The following DCDC2 variants were observed in gnomAD, a reference collection of about 807,000 sequenced individuals.
The protein encoded by DCDC2 is doublecortin domain containing 2, also known as doublecortin domain-containing protein 2.
In DCDC2, 40 loss-of-function variants were observed where a neutral mutation model predicts 50.2. That is an observed-to-expected ratio of 0.80 (90% confidence interval 0.62 to 1.04). The LOEUF (loss-of-function observed/expected upper bound fraction) is 1.04. Among genes scored for constraint, DCDC2 ranks in the 50% least tolerant of loss-of-function variants. The pLI is 0.00. For synonymous variants in DCDC2, 234 were observed against 210.6 expected (o/e 1.11, Z -0.96); for missense variants, 570 against 581.9 (o/e 0.98, Z 0.21).
At chr6:24,329,507 G>C (rs528104676) in intron 2 of DCDC2, among the ~76,000 whole-genome samples, 1 of 152,150 alleles carries the variant, frequency 6.6e-6, no homozygotes, top group Admixed American at 6.6e-5. Flanking sequence ...GGTACGGTAA[G>C]AAAGAATGGT....
At chr6:24,356,564 A>C (rs1211097182) in intron 1 of DCDC2, among the ~76,000 whole-genome samples, 1 of 152,188 alleles carries the variant, frequency 6.6e-6, no homozygotes, top group African/African-American at 2.4e-5. Context: ...GCTGTAAAAA[A>C]AAAATGGAAT....
chr6:24,284,632 T>G (rs1253541802), intron 6 of DCDC2, among the ~76,000 whole-genome samples: 3 of 151,772 alleles, frequency 2.0e-5, no homozygotes, highest in Non-Finnish European at 4.4e-5. Flanking sequence ...AAAAAAAATT[T>G]TTTTTGAAGC....
Position 24,208,363 on chromosome 6 carries a change from CTTTTTTTTTTTT to C in DCDC2, c.923-3273_923-3262del, listed in dbSNP as rs34475687. Among the ~76,000 whole-genome samples, 302 of 84,466 alleles carry C rather than the reference CTTTTTTTTTTTT, an allele frequency of 3.6e-3. 2 individuals are homozygous for C. Among genetic ancestry groups the C allele is most frequent in the African/African-American group, 0.012 (231 of 19,322 alleles). 55.4% of individuals were successfully genotyped at this position (84,466 alleles called of 152,430 possible). On this transcript the variant is annotated intron_variant, in intron 7 of 9. Coordinates refer to ENST00000378454, the MANE Select transcript of DCDC2 (RefSeq NM_016356.5). ...ACCAACAGCTCCCTCCTCTGTGCTA[CTTTTTTTTTTTT>C]TTTTTTTTTTTTTGAGATGGAGTCT...
chr6:24,177,529 G>C (rs73726608), intron 9 of DCDC2, among the ~76,000 whole-genome samples: 2 of 152,118 alleles, frequency 1.3e-5, no homozygotes, highest in Non-Finnish European at 2.9e-5. Context: ...TTGAACTGAC[G>C]GATAGACAGG....
At chr6:24,234,872 A>G (rs1474203531) in intron 7 of DCDC2, among the ~76,000 whole-genome samples, 1 of 152,206 alleles carries the variant, frequency 6.6e-6, no homozygotes, top group Non-Finnish European at 1.5e-5. Context: ...TATAAAAATA[A>G]TTAGATACCA....
chr6:24,289,045 C>G (rs1044799093), intron 5 of DCDC2, 139 bp from the exon 6 acceptor site: 9 of 565,544 alleles, frequency 1.6e-5, no homozygotes, highest in African/African-American at 1.5e-4. Flanking sequence ...CACTTTAACA[C>G]ATACTTTCCC....
At chr6:24,359,335 T>TTATATATATTTTATA (rs1760598425), upstream of DCDC2, among the ~76,000 whole-genome samples, 5 of 65,260 alleles carry the variant, frequency 7.7e-5, no homozygotes, top group African/African-American at 3.8e-4. Flanking sequence ...TTTATATATA[T>TTATATATATTTTATA]TATATATTAT....
At chr6:24,382,913 G>A in the DCDC2 span, among the ~76,000 whole-genome samples, 1 of 151,936 alleles carries the variant, frequency 6.6e-6, no homozygotes, top group Non-Finnish European at 1.5e-5. Flanking sequence ...TTTTTTTTTA[G>A]TTCATGGACA....
the DCDC2 span, among the ~76,000 whole-genome samples, chr6:24,365,415 C>A: frequency 6.6e-6 from 1 of 152,164 alleles, no homozygotes; most frequent in African/African-American, 2.4e-5. Context: ...CCTCAGCTTC[C>A]TGAGTAGCTG....
At chr6:24,295,253 C>T (rs1207622658) in intron 4 of DCDC2, among the ~76,000 whole-genome samples, 1 of 152,130 alleles carries the variant, frequency 6.6e-6, no homozygotes, top group Admixed American at 6.5e-5. Context: ...GCAGAAAAGG[C>T]TTTCGATAAA....
chr6:24,228,724 T>C (rs1762282990), intron 7 of DCDC2, among the ~76,000 whole-genome samples: 1 of 152,206 alleles, frequency 6.6e-6, no homozygotes, highest in Non-Finnish European at 1.5e-5. Context: ...ATTTCCTACC[T>C]CTGTTTCTTT....
chr6:24,215,433 C>A (rs527372414), intron 7 of DCDC2, among the ~76,000 whole-genome samples: 1 of 152,124 alleles, frequency 6.6e-6, no homozygotes, highest in South Asian at 2.1e-4. Context: ...GCTGAGGGAG[C>A]GTCCTGGAAA....
chr6:24,299,258 T>C (rs1759322236), intron 4 of DCDC2, among the ~76,000 whole-genome samples: 1 of 152,166 alleles, frequency 6.6e-6, no homozygotes, highest in South Asian at 2.1e-4. Flanking sequence ...ATACTACTTA[T>C]TCTCACTAGT....
At chr6:24,313,885 T>A (rs1174636828) in intron 2 of DCDC2, among the ~76,000 whole-genome samples, 2 of 152,148 alleles carry the variant, frequency 1.3e-5, no homozygotes, top group Non-Finnish European at 2.9e-5. Context: ...GGGTCCCCAC[T>A]CTCACTGAGC....
chr6:24,284,638 G>C (rs552119441), intron 6 of DCDC2, among the ~76,000 whole-genome samples: 14 of 148,748 alleles, frequency 9.4e-5, no homozygotes, highest in African/African-American at 3.4e-4. Context: ...AATTTTTTTT[G>C]AAGCAAATTA....
rs527842507 is a variant in DCDC2 at position 24,287,694 on chromosome 6, A to T, written c.759+1158T>A. Among the ~76,000 whole-genome samples, 7 of 152,278 alleles carry T rather than the reference A, an allele frequency of 4.6e-5. No individual in the cohort carries two copies. The South Asian group carries it at 1.2e-3, about 27-fold the overall frequency. On this transcript the variant is annotated intron_variant, in intron 6 of 9. Transcript: ENST00000378454. ...TTGGATCTGAAGGTCCTCTCCCCTC[A>T]TCTACCTTTTTCTGAATTTTAAACA...
chr6:24,292,366 G>C (rs1450180518), intron 4 of DCDC2, among the ~76,000 whole-genome samples: 2 of 151,378 alleles, frequency 1.3e-5, no homozygotes, highest in African/African-American at 4.9e-5. Context: ...CCATTGACCT[G>C]TCAGCTTGTT....
intron 7 of DCDC2, among the ~76,000 whole-genome samples, chr6:24,264,199 A>G (rs1024287982): frequency 6.6e-6 from 1 of 152,256 alleles, no homozygotes; most frequent in African/African-American, 2.4e-5. Context: ...GAGGGATTTT[A>G]TCAATACCAG....
At chr6:24,231,994 C>CATATAT (rs755739865) in intron 7 of DCDC2, among the ~76,000 whole-genome samples, 2 of 113,088 alleles carry the variant, frequency 1.8e-5, no homozygotes, top group African/African-American at 5.3e-5. Context: ...TTAGTAATTT[C>CATATAT]ATATATATAT....
Sources: allele counts gnomAD v4.1 joint callset (sites outside exome capture counted in the v4.1 genomes callset), GRCh38; gene constraint gnomAD v4.1.1; transcripts MANE v1.5; gene names NCBI Gene and HGNC (gene_info 2026-07-23, HGNC 2026-07-21).